The following FARP1 variants were observed in gnomAD, a reference collection of about 807,000 sequenced individuals.
FARP1 encodes FERM, ARHGEF and pleckstrin domain-containing protein 1.
Under a neutral mutation model 128.8 loss-of-function variants are expected in FARP1, and 52 were observed. The ratio of observed to expected loss-of-function variants is 0.40; its 90% confidence interval spans 0.32 to 0.51. FARP1 has a LOEUF of 0.51. Among genes scored for constraint, FARP1 ranks in the 20% least tolerant of loss-of-function variants. The pLI, the probability that FARP1 is intolerant of heterozygous loss-of-function variation, is 0.45. For synonymous variants in FARP1, 580 were observed against 551.8 expected, an observed-to-expected ratio of 1.05 and a Z score of -0.72; for missense variants, 1,333 against 1,367.9, an observed-to-expected ratio of 0.97 and a Z score of 0.40.
At chr13:98,443,708 C>T (rs1892627764) in intron 24 of FARP1, among the ~76,000 whole-genome samples, 1 of 152,212 alleles carries the variant, frequency 6.6e-6, no homozygotes, top group Non-Finnish European at 1.5e-5. Context: ...TTGGGATGGC[C>T]AGAGGGCTGC....
At chr13:98,292,625 A>G (rs534264752) in intron 2 of FARP1, among the ~76,000 whole-genome samples, 3 of 152,226 alleles carry the variant, frequency 2.0e-5, no homozygotes, top group African/African-American at 7.2e-5. Context: ...TAGCACAGAT[A>G]TAGAACATTC....
intron 2 of FARP1, chr13:98,234,236 T>A (rs1882298434): frequency 6.6e-6 from 1 of 152,170 alleles, no homozygotes. Context: ...TCTTGTTCCT[T>A]GTTCTTAGAT....
intron 1 of FARP1, among the ~76,000 whole-genome samples, chr13:98,160,225 A>G (rs1251004477): frequency 1.3e-5 from 2 of 152,178 alleles, no homozygotes; most frequent in African/African-American, 4.8e-5. Flanking sequence ...TTGAAGTCAC[A>G]TCATAAAGGA....
intron 13 of FARP1, chr13:98,401,437 C>CAGACACACACACACACACACACACACAA (rs1555291958): frequency 7.3e-6 from 1 of 137,726 alleles, no homozygotes; most frequent in Non-Finnish European, 1.5e-5. Context: ...CACACACACA[C>CAGACACACACACACACACACACACACAA]AATCTGTATG....
At chr13:98,294,952 G>A (rs1885597027) in intron 2 of FARP1, among the ~76,000 whole-genome samples, 1 of 151,518 alleles carries the variant, frequency 6.6e-6, no homozygotes. Flanking sequence ...GAGAGGCAGA[G>A]GTTGCAGTGA....
chr13:98,290,134 A>C (rs1392880483), intron 2 of FARP1, among the ~76,000 whole-genome samples: 1 of 149,828 alleles, frequency 6.7e-6, no homozygotes, highest in Non-Finnish European at 1.5e-5. Context: ...CCCAAGCCTT[A>C]CTTCTGGGGG....
At chr13:98,404,276 A>G (rs1890894655) in intron 13 of FARP1, 1 of 152,350 alleles carries the variant, frequency 6.6e-6, no homozygotes, top group African/African-American at 2.4e-5. Flanking sequence ...AGAAGCACAC[A>G]TACATTACCC....
chr13:98,425,846 A>G (rs1177248656), intron 17 of FARP1, among the ~76,000 whole-genome samples: 1 of 152,064 alleles, frequency 6.6e-6, no homozygotes, highest in Non-Finnish European at 1.5e-5. Context: ...TTTTGTTTTC[A>G]TTTGAATCCA....
At chr13:98,201,883 G>A (rs1879975026) in intron 1 of FARP1, among the ~76,000 whole-genome samples, 1 of 152,206 alleles carries the variant, frequency 6.6e-6, no homozygotes, top group African/African-American at 2.4e-5. Context: ...CCTGCTCGTA[G>A]ACAGTTAATA....
intron 2 of FARP1, among the ~76,000 whole-genome samples, chr13:98,287,255 G>A (rs1375935966): frequency 1.1e-5 from 1 of 88,286 alleles, no homozygotes; most frequent in Non-Finnish European, 2.1e-5. Context: ...TTTTGAGATG[G>A]AGTCTTGCTC....
At chr13:98,182,738 G>A (rs1421395728) in intron 1 of FARP1, among the ~76,000 whole-genome samples, 1 of 152,202 alleles carries the variant, frequency 6.6e-6, no homozygotes, top group Non-Finnish European at 1.5e-5. Flanking sequence ...CAATTTGGCC[G>A]AGTACCAAGG....
intron 6 of FARP1, among the ~76,000 whole-genome samples, chr13:98,378,893 C>CTATA (rs1555341970): frequency 2.2e-4 from 22 of 98,916 alleles, no homozygotes; most frequent in African/African-American, 8.5e-4. Context: ...TGTGCCAGCA[C>CTATA]TATATATATA....
chr13:98,316,870 A>G (rs1886744318), intron 2 of FARP1, among the ~76,000 whole-genome samples: 1 of 152,212 alleles, frequency 6.6e-6, no homozygotes, highest in South Asian at 2.1e-4. Context: ...CCCGCTCAGA[A>G]GCAACCAGTT....
chr13:98,434,541 T>C (rs1173861088), intron 18 of FARP1: 1 of 152,214 alleles, frequency 6.6e-6, no homozygotes, highest in African/African-American at 2.4e-5. Context: ...TTTCTTGCTT[T>C]TCTTGACCAA....
At chr13:98,301,018 G>A (rs1350937948) in intron 2 of FARP1, among the ~76,000 whole-genome samples, 4 of 152,160 alleles carry the variant, frequency 2.6e-5, no homozygotes, top group Admixed American at 6.5e-5. Flanking sequence ...GGGCCATTGC[G>A]CCATCCAGGG....
rs142082777 is a variant in FARP1 at position 98,213,268 on chromosome 13, C to T, written c.26C>T (p.Thr9Ile). The change falls in exon 2 of 27, where the codon ACC becomes ATC. Residue 9 changes from threonine (T) to isoleucine (I), a missense_variant. This residue lies in a region of FARP1 where 324 missense variants were observed against 398.1 expected (regional missense o/e 0.81). Transcript: ENST00000319562. MGEIEQRP[T>I]PGSRLGAPEN... ...ATGGGAGAAATAGAGCAGAGGCCGACCCCAGGATCACGACTGGGGGCCCCG... is the reference window on the plus strand; with the variant it reads ...ATGGGAGAAATAGAGCAGAGGCCGATCCCAGGATCACGACTGGGGGCCCCG... 431 of 1,613,838 alleles carry T rather than the reference C, an allele frequency of 2.7e-4. 3 individuals are homozygous for T. The African/African-American group carries it at 5.0e-3, about 19-fold the overall frequency.
intron 1 of FARP1, among the ~76,000 whole-genome samples, chr13:98,196,323 G>T (rs557844202): frequency 2.8e-4 from 42 of 152,288 alleles, no homozygotes; most frequent in Middle Eastern, 3.4e-3. Context: ...CAGCCTGTCT[G>T]CATCTGGTCC....
chr13:98,305,223 A>T (rs1886092356), intron 2 of FARP1, among the ~76,000 whole-genome samples: 1 of 151,850 alleles, frequency 6.6e-6, no homozygotes, highest in African/African-American at 2.4e-5. Flanking sequence ...GTCAGAGAGG[A>T]TGTGATCCTA....
chr13:98,429,513 C>T (rs1010682731), intron 17 of FARP1, among the ~76,000 whole-genome samples: 1 of 152,174 alleles, frequency 6.6e-6, no homozygotes, highest in Non-Finnish European at 1.5e-5. Flanking sequence ...AAGACAAGGG[C>T]AGGTCCCACA....
Sources: allele counts gnomAD v4.1 joint callset (sites outside exome capture counted in the v4.1 genomes callset), GRCh38; gene constraint gnomAD v4.1.1; regional missense constraint gnomAD v4.1.1; transcripts MANE v1.5; gene names NCBI Gene and HGNC (gene_info 2026-07-23, HGNC 2026-07-21).